RFX4: variants seen among roughly 807,000 people sequenced by gnomAD.
RFX4 encodes the protein transcription factor RFX4.
A neutral mutation model predicts 95.0 loss-of-function variants in RFX4; 10 were observed. That is an observed-to-expected ratio of 0.11 (90% CI 0.06 to 0.18). The LOEUF (loss-of-function observed/expected upper bound fraction) is 0.18. RFX4 is among the 10% of genes least tolerant of loss of function. RFX4 has a pLI of 1.00. For synonymous variants in RFX4, 321 were observed against 340.7 expected (o/e 0.94, Z 0.64); for missense variants, 640 against 922.0 (o/e 0.69, Z 3.96).
intron 4 of RFX4, among the ~76,000 whole-genome samples, chr12:106,681,510 C>G (rs1304794798): frequency 1.3e-5 from 2 of 152,132 alleles, no homozygotes; most frequent in Non-Finnish European, 2.9e-5. Flanking sequence ...AGTACAAAGG[C>G]CCCCCATGGG....
At chr12:106,753,654 A>C (rs773830214) in intron 17 of RFX4, among the ~76,000 whole-genome samples, 6 of 152,160 alleles carry the variant, frequency 3.9e-5, no homozygotes, top group Non-Finnish European at 8.8e-5. Flanking sequence ...CAGAAGAGGA[A>C]GTGAGACTCA....
At chr12:106,687,174 T>C (rs2041673856) in intron 6 of RFX4, 77 bp downstream of exon 6, 2 of 795,870 alleles carry the variant, frequency 2.5e-6, no homozygotes, top group African/African-American at 2.4e-5. Flanking sequence ...TCTATCTCTC[T>C]CTCTCTCTCA....
At chr12:106,717,296 C>T in intron 11 of RFX4, among the ~76,000 whole-genome samples, 1 of 152,182 alleles carries the variant, frequency 6.6e-6, no homozygotes, top group Middle Eastern at 3.2e-3. Context: ...ATCTTCCTAG[C>T]AGTGTTAGAC....
intron 13 of RFX4, among the ~76,000 whole-genome samples, chr12:106,728,238 C>CT (rs2042542354): frequency 6.8e-6 from 1 of 146,202 alleles, no homozygotes; most frequent in African/African-American, 2.6e-5. Flanking sequence ...ATAACAGGCT[C>CT]TGCTGCTCCC....
At chr12:106,737,046 C>T (rs2042721406) in intron 15 of RFX4, among the ~76,000 whole-genome samples, 1 of 152,026 alleles carries the variant, frequency 6.6e-6, no homozygotes, top group African/African-American at 2.4e-5. Context: ...CTACTCACCT[C>T]CTTTGATGTT....
intron 10 of RFX4, among the ~76,000 whole-genome samples, chr12:106,712,751 T>C (rs1194346893): frequency 1.3e-5 from 2 of 150,120 alleles, no homozygotes; most frequent in South Asian, 2.2e-4. Flanking sequence ...GACAGATTAA[T>C]GGGATTCAGG....
intron 3 of RFX4, among the ~76,000 whole-genome samples, chr12:106,651,565 G>C (rs759974223): frequency 2.6e-5 from 4 of 152,322 alleles, no homozygotes; most frequent in African/African-American, 9.6e-5. Context: ...ATGGTCAGGA[G>C]TTTATAGTAA....
chr12:106,671,190 T>A (rs2041273280), intron 4 of RFX4, among the ~76,000 whole-genome samples: 1 of 152,246 alleles, frequency 6.6e-6, no homozygotes. Flanking sequence ...GGACATCTAC[T>A]GATTCCATTG....
rs2042322234 is a variant in RFX4 at position 106,717,803 on chromosome 12, C to T, written c.1139-2157C>T. The stretch of plus-strand genomic sequence containing the variant: ...TGAGAGAGGGTACCAAGCCTCAAGG[C>T]AGTCCAGCACATGTGCGTCAACCCT... On this transcript the variant is annotated intron_variant, in intron 11 of 17. Transcript: ENST00000392842. Among the ~76,000 whole-genome samples, 3 of 152,312 alleles carry T rather than the reference C, an allele frequency of 2.0e-5. No homozygotes were observed. The South Asian group carries it at 6.2e-4, about 32-fold the overall frequency.
At chr12:106,610,237 C>CAAAAAAAAAAAAAAAAAAAAAAAAAA (rs398044781) in intron 2 of RFX4, among the ~76,000 whole-genome samples, 1 of 77,496 alleles carries the variant, frequency 1.3e-5, no homozygotes, top group Non-Finnish European at 2.7e-5. Context: ...GACTCCATCT[C>CAAAAAAAAAAAAAAAAAAAAAAAAAA]AAAAAAAAAA....
intron 4 of RFX4, among the ~76,000 whole-genome samples, chr12:106,665,633 C>G (rs1391898638): frequency 1.3e-5 from 2 of 151,574 alleles, no homozygotes; most frequent in African/African-American, 4.8e-5. Context: ...TCCATTTTTT[C>G]TCCTTTATTA....
intron 4 of RFX4, chr12:106,681,042 A>T (rs564390543): frequency 6.6e-6 from 1 of 152,158 alleles, no homozygotes; most frequent in East Asian, 1.9e-4. Flanking sequence ...ATCTCCGTAA[A>T]CCCCAAGGAA....
intron 3 of RFX4, among the ~76,000 whole-genome samples, chr12:106,642,306 GTA>G (rs1258738890): frequency 1.3e-5 from 2 of 150,558 alleles, no homozygotes; most frequent in Admixed American, 6.6e-5. Flanking sequence ...CACCGTGCCC[GTA>G]TATATATGTC....
intron 1 of RFX4, among the ~76,000 whole-genome samples, chr12:106,599,550 AATG>A (rs903605756): frequency 6.6e-6 from 1 of 151,904 alleles, no homozygotes; most frequent in Non-Finnish European, 1.5e-5. Context: ...ATTCCAGGAG[AATG>A]ATATTAGCGT....
intron 13 of RFX4, among the ~76,000 whole-genome samples, chr12:106,721,451 T>A (rs1397183410): frequency 6.6e-6 from 1 of 152,232 alleles, no homozygotes; most frequent in Non-Finnish European, 1.5e-5. Context: ...CTTTCTAGTA[T>A]AACAGGGCTT....
chr12:106,644,236 T>A (rs916714715), intron 3 of RFX4, among the ~76,000 whole-genome samples: 1 of 148,588 alleles, frequency 6.7e-6, no homozygotes, highest in Non-Finnish European at 1.5e-5. Context: ...TCCCCTTTTT[T>A]TTTTTTTTTT....
chr12:106,713,278 C>A (rs1363015768), intron 10 of RFX4, among the ~76,000 whole-genome samples: 3 of 152,168 alleles, frequency 2.0e-5, no homozygotes, highest in Non-Finnish European at 4.4e-5. Flanking sequence ...TCAGATACAC[C>A]AGGTAAGTAA....
At chr12:106,702,820 C>T (rs888524318) in intron 8 of RFX4, among the ~76,000 whole-genome samples, 22 of 152,174 alleles carry the variant, frequency 1.4e-4, no homozygotes, top group African/African-American at 5.3e-4. Context: ...GGCTTTTGTT[C>T]CATAAGGGAG....
intron 3 of RFX4, among the ~76,000 whole-genome samples, chr12:106,652,428 C>T (rs12297001): frequency 0.22 from 33,896 of 152,090 alleles, 3,942 homozygotes; most frequent in South Asian, 0.28. Flanking sequence ...AATAATCTAT[C>T]CATAAGACAC....
Sources: allele counts gnomAD v4.1 joint callset (sites outside exome capture counted in the v4.1 genomes callset), GRCh38; gene constraint gnomAD v4.1.1; transcripts MANE v1.5; gene names NCBI Gene and HGNC (gene_info 2026-07-23, HGNC 2026-07-21).